RAP1GDS1: variants seen among roughly 807,000 people sequenced by gnomAD.
RAP1GDS1 encodes the protein RAP1, GTP-GDP dissociation stimulator 1.
RAP1GDS1 carries 35 observed loss-of-function variants against 71.1 expected under a neutral mutation model. That is an observed-to-expected ratio of 0.49 (90% CI 0.38 to 0.65). The LOEUF is 0.65. Among genes scored for constraint, RAP1GDS1 ranks in the 30% least tolerant of loss-of-function variants. The pLI, the probability that RAP1GDS1 is intolerant of heterozygous loss-of-function variation, is 0.00. For missense variants in RAP1GDS1, 663 were observed against 706.1 expected (o/e 0.94, Z 0.69); for synonymous variants, 229 against 243.1 (o/e 0.94, Z 0.54).
chr4:98,424,454 A>G (rs1249276612), intron 12 of RAP1GDS1, among the ~76,000 whole-genome samples: 1 of 152,178 alleles, frequency 6.6e-6, no homozygotes, highest in Non-Finnish European at 1.5e-5. Flanking sequence ...TTGAAGAAGA[A>G]GAGAAATCTA....
intron 4 of RAP1GDS1, among the ~76,000 whole-genome samples, chr4:98,370,971 G>A (rs941162387): frequency 2.0e-5 from 3 of 152,166 alleles, no homozygotes; most frequent in African/African-American, 7.2e-5. Flanking sequence ...TACTGTACCT[G>A]ACACAAAGCC....
At chr4:98,296,990 A>G in intron 2 of RAP1GDS1, 1 of 243,112 alleles carries the variant, frequency 4.1e-6, no homozygotes, top group Non-Finnish European at 8.2e-6. Flanking sequence ...TCCCTGAAGA[A>G]GTAAGCTGTC....
At chr4:98,350,802 C>T (rs775500051) in intron 3 of RAP1GDS1, among the ~76,000 whole-genome samples, 1 of 152,122 alleles carries the variant, frequency 6.6e-6, no homozygotes, top group Non-Finnish European at 1.5e-5. Flanking sequence ...TGTGCCATTG[C>T]ACTCCAGCCT....
intron 3 of RAP1GDS1, among the ~76,000 whole-genome samples, chr4:98,350,033 A>G (rs1311592893): frequency 6.6e-6 from 1 of 152,126 alleles, no homozygotes; most frequent in Non-Finnish European, 1.5e-5. Flanking sequence ...TTTTATCTTT[A>G]TATGTTTTTG....
At chr4:98,343,008 T>C in intron 2 of RAP1GDS1, 131 bp from the exon 3 acceptor site, 2 of 902,798 alleles carry the variant, frequency 2.2e-6, no homozygotes, top group South Asian at 2.1e-5. Flanking sequence ...TAAAGACATA[T>C]ATTTGAATGT....
intron 2 of RAP1GDS1, among the ~76,000 whole-genome samples, chr4:98,312,027 G>A (rs1730304538): frequency 6.6e-6 from 1 of 152,194 alleles, no homozygotes; most frequent in Non-Finnish European, 1.5e-5. Context: ...CAGAGTGACA[G>A]GAGGAAGAAG....
chr4:98,331,041 A>G (rs1171443285), intron 2 of RAP1GDS1, among the ~76,000 whole-genome samples: 2 of 152,194 alleles, frequency 1.3e-5, no homozygotes, highest in African/African-American at 2.4e-5. Flanking sequence ...TCCGTCTGCA[A>G]TCCCAGCACC....
intron 3 of RAP1GDS1, among the ~76,000 whole-genome samples, chr4:98,351,122 A>G (rs1416830334): frequency 6.6e-6 from 1 of 152,240 alleles, no homozygotes; most frequent in Non-Finnish European, 1.5e-5. Flanking sequence ...ATTCATGAAC[A>G]TGTACAGCAT....
chr4:98,262,788 C>G (rs968396698), intron 1 of RAP1GDS1, among the ~76,000 whole-genome samples: 2 of 152,196 alleles, frequency 1.3e-5, no homozygotes, highest in Non-Finnish European at 2.9e-5. Context: ...CAAGAAGTAT[C>G]TAAACCTGGG....
intron 6 of RAP1GDS1, among the ~76,000 whole-genome samples, chr4:98,394,613 G>C (rs1361721084): frequency 6.6e-6 from 1 of 152,050 alleles, no homozygotes; most frequent in African/African-American, 2.4e-5. Flanking sequence ...GATTTATTTA[G>C]TAATACTAAT....
chr4:98,396,690 T>C (rs1744600914), intron 6 of RAP1GDS1: 1 of 152,210 alleles, frequency 6.6e-6, no homozygotes, highest in Non-Finnish European at 1.5e-5. Flanking sequence ...AATAGCTAGG[T>C]TGTATACATC....
At chr4:98,357,793 A>G (rs1374946075) in intron 4 of RAP1GDS1, among the ~76,000 whole-genome samples, 5 of 151,932 alleles carry the variant, frequency 3.3e-5, no homozygotes, top group Non-Finnish European at 7.4e-5. Context: ...GAAAGTTGGT[A>G]TTGCAAATGA....
chr4:98,276,653 A>G (rs1306217747), intron 1 of RAP1GDS1, among the ~76,000 whole-genome samples: 1 of 152,210 alleles, frequency 6.6e-6, no homozygotes, highest in African/African-American at 2.4e-5. Flanking sequence ...AGACAGCAGC[A>G]AAAACATGAT....
At chr4:98,404,353 T>C (rs1201351579) in intron 6 of RAP1GDS1, 124 bp from the exon 7 acceptor site, 2 of 913,880 alleles carry the variant, frequency 2.2e-6, no homozygotes, top group Non-Finnish European at 3.1e-6. Flanking sequence ...ATGGATTTGA[T>C]TGTTCCCATA....
rs1752010550 is a variant in RAP1GDS1 at position 98,442,597 on chromosome 4, A to AAT, written c.*480_*481insAT. On this transcript the variant is annotated 3_prime_UTR_variant, in exon 15 of 15. Transcript: ENST00000408927. ...AAAGTTGTATGGCTGCTTATTCATT[A>AAT]GTCTTTCCTACTGATGTCAAATCCA... 1 of 227,928 alleles carries AAT rather than the reference A, an allele frequency of 4.4e-6. No individual in the cohort carries two copies. Among genetic ancestry groups the AAT allele is most frequent in the South Asian group, 1.8e-4 (1 of 5,474 alleles). The allele number at this position is 227,928 out of a possible 1,614,324, so 14.1% of individuals were successfully genotyped here.
At chr4:98,348,226 T>G (rs1054305497) in intron 3 of RAP1GDS1, among the ~76,000 whole-genome samples, 1 of 152,156 alleles carries the variant, frequency 6.6e-6, no homozygotes. Context: ...TTTGTTTTTT[T>G]GTCCCTGTGA....
intron 6 of RAP1GDS1, among the ~76,000 whole-genome samples, chr4:98,393,940 G>A (rs1209455412): frequency 1.3e-5 from 2 of 151,844 alleles, no homozygotes; most frequent in African/African-American, 4.8e-5. Flanking sequence ...TTCCATTTTT[G>A]CTCTCATTAT....
intron 2 of RAP1GDS1, among the ~76,000 whole-genome samples, chr4:98,342,034 T>G (rs190139372): frequency 1.3e-5 from 2 of 152,298 alleles, no homozygotes; most frequent in East Asian, 3.9e-4. Context: ...TTCTTTTATT[T>G]TAACCAGTTT....
chr4:98,350,589 C>T (rs918612916), intron 3 of RAP1GDS1, among the ~76,000 whole-genome samples: 3 of 152,138 alleles, frequency 2.0e-5, no homozygotes, highest in Non-Finnish European at 4.4e-5. Context: ...GCTGTAATCT[C>T]AGCACTTTGG....
Sources: allele counts gnomAD v4.1 joint callset (sites outside exome capture counted in the v4.1 genomes callset), GRCh38; gene constraint gnomAD v4.1.1; transcripts MANE v1.5; gene names NCBI Gene and HGNC (gene_info 2026-07-23, HGNC 2026-07-21).